The following PATJ variants were observed in gnomAD, a reference collection of about 807,000 sequenced individuals.
PATJ encodes inaD-like protein.
A neutral mutation model predicts 224.9 loss-of-function variants in PATJ; 190 were observed. The observed-to-expected ratio is 0.84, with a 90% CI of 0.75 to 0.95. The LOEUF (loss-of-function observed/expected upper bound fraction) is 0.95. Among genes scored for constraint, PATJ ranks in the 40% least tolerant of loss-of-function variants. The pLI, the probability that PATJ is intolerant of heterozygous loss-of-function variation, is 0.00. For synonymous variants in PATJ, 769 were observed against 820.3 expected, an observed-to-expected ratio of 0.94 and a Z score of 1.07; for missense variants, 2,121 against 2,270.3, an observed-to-expected ratio of 0.93 and a Z score of 1.34.
intron 24 of PATJ, among the ~76,000 whole-genome samples, chr1:61,904,284 G>A (rs1186630635): frequency 2.6e-5 from 4 of 151,924 alleles, no homozygotes; most frequent in African/African-American, 9.7e-5. Flanking sequence ...AATGTATTCT[G>A]AAATCATCAT....
chr1:61,873,015 G>T (rs1666847468), intron 20 of PATJ, among the ~76,000 whole-genome samples: 1 of 151,992 alleles, frequency 6.6e-6, no homozygotes, highest in African/African-American at 2.4e-5. Flanking sequence ...TACAGAAAAA[G>T]TAGACCATTT....
At chr1:61,985,290 G>A (rs137877381) in intron 27 of PATJ, among the ~76,000 whole-genome samples, 3,750 of 150,222 alleles carry the variant, frequency 0.025, 204 homozygotes, top group African/African-American at 0.087. Context: ...CCAGCCTGGC[G>A]ACAGAGCAAG....
In PATJ at chr1:61,930,611, C is replaced by A. The variant is rs1429744760; in HGVS notation, c.3670+2782C>A. On this transcript the variant is annotated intron_variant, in intron 27 of 43. Coordinates refer to ENST00000642238, the MANE Select transcript of PATJ (RefSeq NM_001350145.3). The stretch of plus-strand genomic sequence containing the variant: ...TTTTTGAGATGGGGTCTTGTTCTGT[C>A]ATCCAGATTGGAGTGCAGTAGCTCA... Among the ~76,000 whole-genome samples, 3 of 152,140 alleles carry A rather than the reference C, an allele frequency of 2.0e-5. No homozygotes were observed. The East Asian group carries it at 5.8e-4, about 29-fold the overall frequency.
chr1:62,040,127 T>G (rs1651189889), intron 30 of PATJ, among the ~76,000 whole-genome samples: 2 of 151,312 alleles, frequency 1.3e-5, no homozygotes, highest in Admixed American at 1.3e-4. Flanking sequence ...TTTTTTTTTT[T>G]GAAATGGAGT....
At chr1:61,973,251 A>C (rs1683217908) in intron 27 of PATJ, among the ~76,000 whole-genome samples, 1 of 152,008 alleles carries the variant, frequency 6.6e-6, no homozygotes, top group Non-Finnish European at 1.5e-5. Context: ...GGCTGCGAGC[A>C]ATAAATGACT....
intron 17 of PATJ, among the ~76,000 whole-genome samples, chr1:61,852,145 G>T (rs868428349): frequency 8.9e-5 from 13 of 146,160 alleles, no homozygotes; most frequent in Admixed American, 7.5e-4. Context: ...AAAAAAAGAG[G>T]TGTAGGGTAC....
Position 61,833,845 on chromosome 1 carries a change from G to A in PATJ, c.2112+60G>A, listed in dbSNP as rs7519856. 3.7e-3 allele frequency: 5,509 copies of A among 1,494,856 alleles called. 27 individuals carry two copies. Among genetic ancestry groups the A allele is most frequent in the Middle Eastern group, 0.026 (146 of 5,622 alleles). The allele number at this position is 1,494,856 out of a possible 1,614,324, so 92.6% of individuals were successfully genotyped here. The stretch of plus-strand genomic sequence containing the variant: ...GTGATTGGTTTGTATTAAAGTTATG[G>A]GAAGTAGCAATTGTTTAAGACCCCT... On this transcript the variant is annotated intron_variant, in intron 17 of 43. Transcript: ENST00000642238.
chr1:61,835,448 G>T (rs1442152844), intron 17 of PATJ, among the ~76,000 whole-genome samples: 1 of 152,140 alleles, frequency 6.6e-6, no homozygotes, highest in Non-Finnish European at 1.5e-5. Flanking sequence ...CTGTCGCCCA[G>T]GCTGGAGTGC....
intron 41 of PATJ, among the ~76,000 whole-genome samples, chr1:62,145,555 G>A (rs1667957615): frequency 6.6e-6 from 1 of 152,150 alleles, no homozygotes; most frequent in Non-Finnish European, 1.5e-5. Context: ...CAGCTACTTG[G>A]AGGATGAGGT....
At position 62,116,621 on chromosome 1, in the gene PATJ, C is replaced by A; in HGVS notation, c.4745C>A (p.Ser1582Tyr). The A allele has an allele frequency of 6.2e-7, 1 of 1,613,988 alleles. No homozygotes were observed. The highest frequency in any genetic ancestry group is 8.5e-7 in the Non-Finnish European group (1 of 1,179,972). ...GRLIQGDQIL[S>Y]VNGEDMRNAS... ...TTGATTCAGGGAGATCAGATCTTAT[C>A]TGTGAATGGGGAGGACATGAGAAAT... The change falls in exon 36 of 44, where the codon TCT becomes TAT. Residue 1582 changes from serine to tyrosine, a missense_variant. Ser to Tyr is a moderately radical substitution (Grantham distance 144). Transcript: ENST00000642238.
chr1:62,004,656 C>T (rs1485237887), intron 28 of PATJ, among the ~76,000 whole-genome samples: 1 of 152,130 alleles, frequency 6.6e-6, no homozygotes, highest in Non-Finnish European at 1.5e-5. Flanking sequence ...CCATGCAGTT[C>T]TCTACTGGTT....
At chr1:61,798,982 C>A (rs1159260389) in intron 11 of PATJ, among the ~76,000 whole-genome samples, 1 of 151,948 alleles carries the variant, frequency 6.6e-6, no homozygotes, top group Admixed American at 6.6e-5. Flanking sequence ...TGAAAATATT[C>A]TTCTGAAGAT....
At chr1:61,756,888 A>G (rs1188196355) in intron 1 of PATJ, among the ~76,000 whole-genome samples, 4 of 151,904 alleles carry the variant, frequency 2.6e-5, no homozygotes, top group Non-Finnish European at 5.9e-5. Context: ...TTAAATTTAC[A>G]ATGAGAGTTT....
intron 11 of PATJ, 105 bp from the exon 12 acceptor site, chr1:61,801,518 T>A: frequency 1.8e-6 from 1 of 569,518 alleles, no homozygotes; most frequent in Non-Finnish European, 2.8e-6. Flanking sequence ...ATGGGAGAAA[T>A]GGGAGAACAG....
rs370149984 is a variant in PATJ, at chr1:61,805,622, C to T, written c.1626+98C>T. The T allele has an allele frequency of 2.2e-4, 158 of 715,804 alleles. 1 individual carries two copies. The highest frequency in any genetic ancestry group is 1.6e-3 in the East Asian group (59 of 36,906). The allele number at this position is 715,804 out of a possible 1,614,324, so 44.3% of individuals were successfully genotyped here. ...GAAATGGGTGAGTCAAAGAATAGCC[C>T]GCCTGACTTTATTTTTCCTTCCTGC... On this transcript the variant is annotated intron_variant, in intron 13 of 43. Coordinates refer to ENST00000642238, the MANE Select transcript of PATJ (RefSeq NM_001350145.3).
intron 13 of PATJ, among the ~76,000 whole-genome samples, chr1:61,808,056 C>T (rs1653944993): frequency 6.6e-6 from 1 of 152,160 alleles, no homozygotes; most frequent in Admixed American, 6.5e-5. Context: ...TTTCCAAACA[C>T]ATCTGACTTT....
intron 14 of PATJ, among the ~76,000 whole-genome samples, chr1:61,818,722 C>T (rs1656669151): frequency 6.6e-6 from 1 of 152,120 alleles, no homozygotes; most frequent in Non-Finnish European, 1.5e-5. Flanking sequence ...TTTAAGTTTT[C>T]TAGGGAGCAT....
At chr1:62,059,844 G>A (rs1020627178) in intron 31 of PATJ, among the ~76,000 whole-genome samples, 5 of 152,232 alleles carry the variant, frequency 3.3e-5, no homozygotes, top group Admixed American at 3.3e-4. Flanking sequence ...ACAGGAGTCA[G>A]AATGGATGGG....
chr1:61,994,589 T>G (rs1645249222), intron 28 of PATJ, among the ~76,000 whole-genome samples: 1 of 152,022 alleles, frequency 6.6e-6, no homozygotes, highest in Non-Finnish European at 1.5e-5. Flanking sequence ...AGTTTCACTC[T>G]TGTTGCCCAG....
Sources: gnomAD v4.1 joint callset for allele counts (sites outside exome capture counted in the v4.1 genomes callset) on GRCh38, gnomAD v4.1.1 for gene constraint, MANE v1.5 for transcripts, NCBI Gene and HGNC (gene_info 2026-07-23, HGNC 2026-07-21) for gene names.